GSTCD: variants seen among roughly 807,000 people sequenced by gnomAD.
GSTCD encodes glutathione S-transferase C-terminal domain containing, also known as glutathione S-transferase C-terminal domain-containing protein.
Under a neutral mutation model 68.3 loss-of-function variants are expected in GSTCD, and 44 were observed. The ratio of observed to expected loss-of-function variants is 0.64; its 90% CI spans 0.51 to 0.83. The LOEUF (loss-of-function observed/expected upper bound fraction) is 0.83. Ranked by LOEUF, GSTCD falls within the 40% of genes least tolerant of loss-of-function variation. The pLI is 0.00. For missense variants in GSTCD, 739 were observed against 735.9 expected (o/e 1.00, Z -0.05); for synonymous variants, 273 against 255.2 (o/e 1.07, Z -0.67).
intron 5 of GSTCD, among the ~76,000 whole-genome samples, chr4:105,771,122 G>C (rs760745050): frequency 8.1e-4 from 123 of 152,196 alleles, no homozygotes; most frequent in Non-Finnish European, 1.1e-3. Context: ...CTAACGAACA[G>C]TGATGATGAG....
chr4:105,803,153 TC>T (rs760795137), intron 5 of GSTCD, among the ~76,000 whole-genome samples: 5 of 152,134 alleles, frequency 3.3e-5, no homozygotes, highest in Non-Finnish European at 7.4e-5. Flanking sequence ...AAACATTTGT[TC>T]CTTTCACAAT....
chr4:105,796,473 AT>A (rs980871160), intron 5 of GSTCD, among the ~76,000 whole-genome samples: 2 of 151,980 alleles, frequency 1.3e-5, no homozygotes, highest in Non-Finnish European at 2.9e-5. Context: ...ATTTTAGCTG[AT>A]TTTTATGTTT....
intron 1 of GSTCD, among the ~76,000 whole-genome samples, chr4:105,712,788 C>T (rs1051804880): frequency 2.6e-5 from 4 of 152,048 alleles, no homozygotes; most frequent in African/African-American, 9.7e-5. Context: ...AGTTTTTGGC[C>T]TAAGCATCTG....
At chr4:105,830,012 T>C (rs1445310541) in intron 8 of GSTCD, among the ~76,000 whole-genome samples, 1 of 152,084 alleles carries the variant, frequency 6.6e-6, no homozygotes, top group Non-Finnish European at 1.5e-5. Context: ...GCAAATTTTT[T>C]AAATTAGAGA....
In GSTCD at chr4:105,719,391, C is replaced by T. The variant is rs780660961; in HGVS notation, c.758C>T (p.Ala253Val). Residue 253 changes from alanine to valine, a missense_variant, in exon 3 of 12, where the codon GCT becomes GTT. Ala to Val is a moderately conservative substitution (Grantham distance 64, BLOSUM62 0). Coordinates refer to ENST00000515279, the MANE Select transcript of GSTCD (RefSeq NM_001370181.1). ...AAGCTCACAGTACAGGAAGAACCAG[C>T]TACTACCAACAGAGAGCCTTCTCAC... The part of the protein sequence containing the change: ...FSKLTVQEEP[A>V]TTNREPSHIR... The T allele has an allele frequency of 1.3e-5, 21 of 1,614,094 alleles. No homozygotes were observed. The highest frequency in any genetic ancestry group is 1.8e-5 in the Non-Finnish European group (21 of 1,179,978).
intron 5 of GSTCD, among the ~76,000 whole-genome samples, chr4:105,754,321 G>C (rs1465905624): frequency 1.3e-5 from 2 of 151,988 alleles, no homozygotes; most frequent in Non-Finnish European, 2.9e-5. Context: ...ATCATCAGAA[G>C]AAGGGGAAAA....
At chr4:105,761,356 C>T (rs961235966) in intron 5 of GSTCD, 1 of 155,700 alleles carries the variant, frequency 6.4e-6, no homozygotes, top group Non-Finnish European at 1.4e-5. Context: ...AGAACAGAGG[C>T]ATCAATACTG....
chr4:105,776,177 T>C (rs1331655447), intron 5 of GSTCD, among the ~76,000 whole-genome samples: 1 of 152,142 alleles, frequency 6.6e-6, no homozygotes, highest in African/African-American at 2.4e-5. Context: ...GCCTCGGTAA[T>C]GGCAGACACC....
At chr4:105,745,188 T>A (rs1733759148) in intron 5 of GSTCD, among the ~76,000 whole-genome samples, 1 of 152,214 alleles carries the variant, frequency 6.6e-6, no homozygotes, top group South Asian at 2.1e-4. Context: ...CTTTCAGAAT[T>A]ACTATACCCA....
At chr4:105,807,696 G>A (rs1450574666) in intron 5 of GSTCD, among the ~76,000 whole-genome samples, 1 of 152,036 alleles carries the variant, frequency 6.6e-6, no homozygotes, top group Non-Finnish European at 1.5e-5. Context: ...TGTATGCCTT[G>A]AGTATACCAC....
At chr4:105,774,748 G>A (rs1734987542) in intron 5 of GSTCD, among the ~76,000 whole-genome samples, 1 of 152,126 alleles carries the variant, frequency 6.6e-6, no homozygotes, top group Non-Finnish European at 1.5e-5. Flanking sequence ...TTCCCTTTGT[G>A]GGTAACCTGA....
At chr4:105,786,532 C>CAA (rs374244742) in intron 5 of GSTCD, among the ~76,000 whole-genome samples, 7 of 87,822 alleles carry the variant, frequency 8.0e-5, no homozygotes, top group Admixed American at 2.3e-4. Flanking sequence ...AAACACCATC[C>CAA]AAAAAAAAAA....
chr4:105,735,253 G>A (rs779695460), intron 5 of GSTCD, among the ~76,000 whole-genome samples: 3 of 151,968 alleles, frequency 2.0e-5, no homozygotes, highest in Admixed American at 6.6e-5. Flanking sequence ...AGAGGGTTCC[G>A]CTGTGCCCTG....
At position 105,834,471 on chromosome 4, in the gene GSTCD, ATGCT is replaced by A. The variant is rs2149283790; in HGVS notation, c.1544_1547del (p.Ala515ValfsTer8). ...GGTTTTATTTTGTAGGTAGCATTGC[ATGCT>A]TGTGGAGTGGCAACAGACATGGTGA... On this transcript the variant is annotated frameshift_variant, in exon 9 of 12. Coordinates refer to ENST00000515279, the MANE Select transcript of GSTCD (RefSeq NM_001370181.1). LOFTEE classifies it high-confidence loss of function. 3.1e-6 allele frequency: 5 copies of A among 1,613,792 alleles called. No individual in the cohort carries two copies. The East Asian group carries it at 1.1e-4, about 36-fold the overall frequency.
At chr4:105,797,182 T>G (rs1212769624) in intron 5 of GSTCD, among the ~76,000 whole-genome samples, 4 of 151,992 alleles carry the variant, frequency 2.6e-5, no homozygotes, top group Admixed American at 1.3e-4. Context: ...TGTTAGGTAG[T>G]TAGTTAATTT....
intron 5 of GSTCD, among the ~76,000 whole-genome samples, chr4:105,798,543 T>C (rs1735988927): frequency 6.6e-6 from 1 of 152,194 alleles, no homozygotes; most frequent in African/African-American, 2.4e-5. Context: ...CCTTGAACCA[T>C]GAGCTGCAGA....
intron 8 of GSTCD, among the ~76,000 whole-genome samples, chr4:105,833,337 G>A (rs1723977936): frequency 6.6e-6 from 1 of 151,944 alleles, no homozygotes; most frequent in African/African-American, 2.4e-5. Context: ...GGTGGCACAT[G>A]CTGTAATCCC....
At chr4:105,771,606 A>G (rs950953203) in intron 5 of GSTCD, among the ~76,000 whole-genome samples, 11 of 152,038 alleles carry the variant, frequency 7.2e-5, no homozygotes. Flanking sequence ...AGTTTTCCCA[A>G]CACCATTTAT....
chr4:105,819,881 T>C (rs1008845777), intron 5 of GSTCD, among the ~76,000 whole-genome samples: 8 of 147,942 alleles, frequency 5.4e-5, no homozygotes, highest in African/African-American at 2.0e-4. Context: ...GTCTCCATAT[T>C]AAAAAAAAAA....
Sources: gnomAD v4.1 joint callset for allele counts (sites outside exome capture counted in the v4.1 genomes callset) on GRCh38, gnomAD v4.1.1 for gene constraint, MANE v1.5 for transcripts, NCBI Gene and HGNC (gene_info 2026-07-23, HGNC 2026-07-21) for gene names.